THUMPD1: variants seen among roughly 807,000 people sequenced by gnomAD.
THUMPD1 encodes THUMP domain-containing protein 1.
Under a neutral mutation model 31.6 loss-of-function variants are expected in THUMPD1, and 31 were observed. That is an observed-to-expected ratio of 0.98 (90% CI 0.74 to 1.32). THUMPD1 has a LOEUF of 1.32. Among genes scored for constraint, THUMPD1 ranks in the 40% most tolerant of loss-of-function variants. The pLI is 0.00. For synonymous variants in THUMPD1, 166 were observed against 158.2 expected, an observed-to-expected ratio of 1.05 and a Z score of -0.37; for missense variants, 446 against 427.8, an observed-to-expected ratio of 1.04 and a Z score of -0.38.
In THUMPD1 at chr16:20,741,740, G is replaced by C. The variant is rs958926205; in HGVS notation, c.-1C>G. On this transcript the variant is annotated 5_prime_UTR_variant, in exon 1 of 4. Transcript: ENST00000396083. ...TAGTCTGCTGGGCAGGGGCCGCCAT[G>C]GTGTGCGCAAACTGAGAGGAAAGAG... 6.4e-6 allele frequency: 10 copies of C among 1,566,842 alleles called. No individual in the cohort carries two copies. Among genetic ancestry groups the C allele is most frequent in the Non-Finnish European group, 8.7e-6 (10 of 1,155,372 alleles).
chr16:20,737,240 A>C lies in THUMPD1; in HGVS notation c.702T>G (p.Asn234Lys), dbSNP rs377748980. Residue 234 changes from asparagine to lysine, a missense_variant, in exon 4 of 4, where the codon AAT becomes AAG. Physicochemically the swap from Asn to Lys is moderately conservative, Grantham distance 94 (BLOSUM62 0). Transcript: ENST00000396083. The part of the protein sequence containing the change: ...LNSENKVDLT[N>K]PQYTVVVEII... ...TTTCTACTACCACTGTGTACTGTGGATTGGTGAGATCCACTTTATTTTCTG... is the reference window on the plus strand; with the variant it reads ...TTTCTACTACCACTGTGTACTGTGGCTTGGTGAGATCCACTTTATTTTCTG... 6.2e-7 allele frequency: 1 copy of C among 1,614,050 alleles called. No homozygotes were observed. The highest frequency in any genetic ancestry group is 8.5e-7 in the Non-Finnish European group (1 of 1,179,950).
In THUMPD1 at chr16:20,736,963, C is replaced by T. The variant is rs772138953; in HGVS notation, c.979G>A (p.Val327Met). The change falls in exon 4 of 4, where the codon GTG becomes ATG. Residue 327 changes from valine (V) to methionine (M), a missense_variant. Val to Met is a conservative substitution (Grantham distance 21, BLOSUM62 1). Transcript: ENST00000396083. ...GGTTTGGCTCCTCCCTCATTTACCA[C>T]CTGTGGATTAGACGTTGGTTTTGTC... ...GQTKPTSNPQ[V>M]VNEGGAKPEL... 1.6e-5 allele frequency: 26 copies of T among 1,614,116 alleles called. No individual in the cohort carries two copies. The highest frequency in any genetic ancestry group is 1.8e-5 in the Non-Finnish European group (21 of 1,180,016).
chr16:20,741,479 C>CGGGGGGGGGGGGGGGGG, intron 1 of THUMPD1, 30 bp downstream of exon 1: 38 of 1,329,506 alleles, frequency 2.9e-5, no homozygotes, highest in East Asian at 6.2e-5. Context: ...GCCTGGCAGC[C>CGGGGGGGGGGGGGGGGG]GGCCCGCCCG....
intron 2 of THUMPD1, 195 bp downstream of exon 2, chr16:20,738,702 C>A: frequency 1.7e-6 from 1 of 599,210 alleles, no homozygotes; most frequent in Non-Finnish European, 2.9e-6. Context: ...GCCAGGTTTC[C>A]ACTCATAAGC....
chr16:20,738,594 G>A (rs766542574), intron 2 of THUMPD1: 3 of 333,908 alleles, frequency 9.0e-6, no homozygotes, highest in African/African-American at 4.2e-5. Context: ...CATTCCCAAA[G>A]AGCAACAACT....
intron 1 of THUMPD1, 32 bp downstream of exon 1, chr16:20,741,477 G>C: frequency 7.3e-7 from 1 of 1,378,122 alleles, no homozygotes; most frequent in African/African-American, 1.5e-5. Flanking sequence ...AGGCCTGGCA[G>C]CCGGCCCGCC....
intron 1 of THUMPD1, among the ~76,000 whole-genome samples, 167 bp from the exon 2 acceptor site, chr16:20,739,238 C>T (rs1282260051): frequency 2.0e-5 from 3 of 150,978 alleles, no homozygotes; most frequent in Non-Finnish European, 4.4e-5. Flanking sequence ...TGCAGTGGTG[C>T]GATCTTGACT....
Position 20,737,910 on chromosome 16 carries a change from G to A in THUMPD1, c.453C>T (p.Thr151=), listed in dbSNP as rs956102024. The stretch of plus-strand genomic sequence containing the variant: ...AAATAACTCGAGTCTTCTTTTTCTT[G>A]GTTTTGTACATATCCTGGAGAATAT... The part of the protein sequence containing the change: ...VHHILQDMYK[T]KKKKTRVILR... Residue 151 remains threonine, a synonymous_variant, in exon 3 of 4, where the codon ACC becomes ACT. Transcript: ENST00000396083. The A allele has an allele frequency of 1.2e-6, 2 of 1,613,086 alleles. No individual in the cohort carries two copies. Among genetic ancestry groups the A allele is most frequent in the Non-Finnish European group, 1.7e-6 (2 of 1,179,688 alleles).
intron 1 of THUMPD1, among the ~76,000 whole-genome samples, chr16:20,739,704 C>T (rs1238999086): frequency 6.6e-6 from 1 of 151,746 alleles, no homozygotes; most frequent in Admixed American, 6.6e-5. Context: ...GCCTGTAATC[C>T]CAGCTACTCA....
rs1204144169 is a variant in THUMPD1, at chr16:20,737,030, T to G, written c.912A>C (p.Lys304Asn). The G allele has an allele frequency of 1.9e-6, 3 of 1,614,210 alleles. No homozygotes were observed. In the Admixed American group the frequency reaches 5.0e-5, roughly 27 times the overall value. ...KSDQNNTAEGKNNQQVPENTE... is the reference protein window; with the variant it reads ...KSDQNNTAEGNNNQQVPENTE... ...TATTCTCTGGTACCTGCTGGTTATT[T>G]TTTCCTTCTGCTGTGTTGTTTTGGT... is the stretch of plus-strand genomic sequence containing the variant. The change falls in exon 4 of 4, where the codon AAA (lysine) becomes AAC (asparagine). Residue 304 changes from lysine (K) to asparagine (N), a missense_variant. Physicochemically the swap from Lys to Asn is moderately conservative, Grantham distance 94. Transcript: ENST00000396083.
chr16:20,741,481 G>GGGGGGGGGCC, intron 1 of THUMPD1, 28 bp downstream of exon 1: 6 of 1,308,408 alleles, frequency 4.6e-6, no homozygotes, highest in Non-Finnish European at 4.9e-6. Context: ...CTGGCAGCCG[G>GGGGGGGGGCC]CCCGCCCGCC....
intron 2 of THUMPD1, 59 bp downstream of exon 2, chr16:20,738,838 G>GA: frequency 1.9e-6 from 3 of 1,577,020 alleles, no homozygotes; most frequent in Non-Finnish European, 2.6e-6. Flanking sequence ...AGTATTCCCT[G>GA]AGACAGGAAG....
chr16:20,738,359 A>T (rs897313116), intron 2 of THUMPD1: 7 of 395,306 alleles, frequency 1.8e-5, no homozygotes, highest in Non-Finnish European at 3.5e-5. Flanking sequence ...GATGTAATTA[A>T]TCCATTAGCT....
In THUMPD1 at chr16:20,733,898, T is replaced by C. The variant is rs1402182179; in HGVS notation, c.*2982A>G. 2.0e-5 allele frequency: 3 copies of C among 152,220 alleles called. No individual in the cohort carries two copies. The highest frequency in any genetic ancestry group is 2.1e-4 in the South Asian group (1 of 4,828). 9.4% of individuals were successfully genotyped at this position (152,220 alleles called of 1,614,324 possible). A position where few individuals can be genotyped will look rare whatever the true frequency, so the allele number is the denominator to read the frequency against. On this transcript the variant is annotated 3_prime_UTR_variant, in exon 4 of 4. Coordinates refer to ENST00000396083, the MANE Select transcript of THUMPD1 (RefSeq NM_017736.5). ...AGTTTTTTTATTTTTTTAACTGACG[T>C]AATTTTTTAAAAGAAAAAACAAAAG... is the stretch of plus-strand genomic sequence containing the variant.
At position 20,737,235 on chromosome 16, in the gene THUMPD1, T is replaced by G. The variant is rs372725221; in HGVS notation, c.707A>C (p.Gln236Pro). ...SENKVDLTNP[Q>P]YTVVVEIIKA... ...GATGATTTCTACTACCACTGTGTAC[T>G]GTGGATTGGTGAGATCCACTTTATT... The change falls in exon 4 of 4, where the codon CAG becomes CCG. Residue 236 changes from glutamine to proline, a missense_variant. Transcript: ENST00000396083. 4 of 1,614,112 alleles carry G rather than the reference T, an allele frequency of 2.5e-6. No homozygotes were observed. The highest frequency in any genetic ancestry group is 3.4e-6 in the Non-Finnish European group (4 of 1,179,962).
At chr16:20,738,136 T>C in intron 2 of THUMPD1, 180 bp from the exon 3 acceptor site, 1 of 713,120 alleles carries the variant, frequency 1.4e-6, no homozygotes, top group Non-Finnish European at 2.5e-6. Flanking sequence ...ATACGTACTA[T>C]AATGTATCTA....
intron 3 of THUMPD1, among the ~76,000 whole-genome samples, 172 bp from the exon 4 acceptor site, chr16:20,737,458 TACA>T (rs2079880736): frequency 6.6e-6 from 1 of 152,302 alleles, no homozygotes; most frequent in South Asian, 2.1e-4. Flanking sequence ...AATGAAACCC[TACA>T]ACATTTAATA....
Position 20,735,374 on chromosome 16 carries a change from GTGT to G in THUMPD1, c.*1503_*1505del, listed in dbSNP as rs1422464796. ...CTGTCTGTCCAGGTTTTTGTTTTGGGTGTTTTTTTTTTTTTTTAACATTTTTGC... is the reference window on the plus strand; with the variant it reads ...CTGTCTGTCCAGGTTTTTGTTTTGGGTTTTTTTTTTTTTTAACATTTTTGC... On this transcript the variant is annotated 3_prime_UTR_variant, in exon 4 of 4. Coordinates refer to ENST00000396083, the MANE Select transcript of THUMPD1 (RefSeq NM_017736.5). 1.1e-5 allele frequency: 1 copy of G among 93,708 alleles called. No individual in the cohort carries two copies. Among genetic ancestry groups the G allele is most frequent in the Admixed American group, 1.0e-4 (1 of 9,968 alleles). 5.8% of individuals were successfully genotyped at this position (93,708 alleles called of 1,614,324 possible). A position where few individuals can be genotyped will look rare whatever the true frequency, so the allele number is the denominator to read the frequency against.
At position 20,741,545 on chromosome 16, in the gene THUMPD1, G is replaced by T; in HGVS notation, c.195C>A (p.Leu65=). 1.3e-6 allele frequency: 2 copies of T among 1,516,584 alleles called. No homozygotes were observed. The highest frequency in any genetic ancestry group is 1.5e-5 in the African/African-American group (1 of 65,268). The allele number at this position is 1,516,584 out of a possible 1,614,324, so 93.9% of individuals were successfully genotyped here. The part of the protein sequence containing the change: ...RKCVEEAYSL[L]NEYGDDMYGP... Reference sequence around the variant, plus strand: ...CATACATGTCGTCGCCGTATTCGTTGAGGAGGCTGTAGGCCTCCTCCACGC... The same window carrying T: ...CATACATGTCGTCGCCGTATTCGTTTAGGAGGCTGTAGGCCTCCTCCACGC... The change falls in exon 1 of 4, where the codon CTC becomes CTA. Residue 65 remains leucine, a synonymous_variant. Coordinates refer to ENST00000396083, the MANE Select transcript of THUMPD1 (RefSeq NM_017736.5).
Sources: allele counts gnomAD v4.1 joint callset (sites outside exome capture counted in the v4.1 genomes callset), GRCh38; gene constraint gnomAD v4.1.1; transcripts MANE v1.5; gene names NCBI Gene and HGNC (gene_info 2026-07-23, HGNC 2026-07-21).